Variants in GATAD1 observed in about 807,000 individuals in gnomAD.
The protein encoded by GATAD1 is GATA zinc finger domain containing 1, also known as GATA zinc finger domain-containing protein 1.
In GATAD1, 12 loss-of-function variants were observed where a neutral mutation model predicts 26.5. The observed-to-expected ratio is 0.45, with a 90% CI of 0.29 to 0.73. The LOEUF (loss-of-function observed/expected upper bound fraction) is 0.73. Among genes scored for constraint, GATAD1 ranks in the 30% least tolerant of loss-of-function variants. The probability of loss-of-function intolerance (pLI) is 0.10; values close to 1 mark genes in which losing one functional copy is unlikely to be tolerated. For missense variants in GATAD1, 266 were observed against 342.1 expected (o/e 0.78, Z 1.75); for synonymous variants, 129 against 133.1 (o/e 0.97, Z 0.21).
At chr7:92,489,705 A>G in the GATAD1 span, 1 of 1,608,172 alleles carries the variant, frequency 6.2e-7, no homozygotes, top group South Asian at 1.1e-5. Context: ...GAGGGGGAAA[A>G]AGCCATACTC....
At chr7:92,492,906 CTTT>C in the GATAD1 span, 2 of 1,426,796 alleles carry the variant, frequency 1.4e-6, no homozygotes, top group Non-Finnish European at 2.0e-6. Flanking sequence ...CATTGTACTT[CTTT>C]TATCACTCAT....
In GATAD1 at chr7:92,447,810, G is replaced by C; in HGVS notation, c.81G>C (p.Glu27Asp). 1 of 1,490,882 alleles carries C rather than the reference G, an allele frequency of 6.7e-7. No homozygotes were observed. The allele number at this position is 1,490,882 out of a possible 1,614,324, so 92.4% of individuals were successfully genotyped here. The change falls in exon 1 of 5, where the codon GAG becomes GAC. Residue 27 changes from glutamate to aspartate, a missense_variant. Transcript: ENST00000287957. ...SSMWKKGAQGEILCHHCTGRG... is the reference protein window; with the variant it reads ...SSMWKKGAQGDILCHHCTGRG... The stretch of plus-strand genomic sequence containing the variant: ...TGTGGAAGAAGGGAGCGCAGGGGGA[G>C]ATCCTCTGCCATCATTGCACTGGCC...
At chr7:92,473,881 C>T in the GATAD1 span, among the ~76,000 whole-genome samples, 11 of 152,114 alleles carry the variant, frequency 7.2e-5, no homozygotes, top group African/African-American at 2.4e-4. Context: ...CCCAGGCACC[C>T]TCAGTCCTGC....
At chr7:92,450,833 TCTAAAGGTCTC>T in intron 3 of GATAD1, 73 bp downstream of exon 3, 1 of 863,410 alleles carries the variant, frequency 1.2e-6, no homozygotes, top group Admixed American at 1.8e-5. Context: ...GTTGGATTAG[TCTAAAGGTCTC>T]TGCTACTCTT....
At chr7:92,454,379 A>G in intron 3 of GATAD1, 123 bp from the exon 4 acceptor site, 1 of 739,450 alleles carries the variant, frequency 1.4e-6, no homozygotes, top group Non-Finnish European at 2.3e-6. Context: ...ACACTGATAC[A>G]TTAGACTATC....
intron 3 of GATAD1, among the ~76,000 whole-genome samples, chr7:92,452,242 ACTGT>A (rs890136046): frequency 3.3e-5 from 5 of 152,152 alleles, no homozygotes; most frequent in Non-Finnish European, 7.3e-5. Flanking sequence ...TGTTATTGTG[ACTGT>A]CTGTACTTTC....
chr7:92,476,197 C>A, the GATAD1 span, among the ~76,000 whole-genome samples: 1 of 152,246 alleles, frequency 6.6e-6, no homozygotes, highest in African/African-American at 2.4e-5. Context: ...CTTTTTCTAA[C>A]AGAATAGCCC....
chr7:92,461,391 AG>A (rs1251022654), downstream of GATAD1: 1 of 152,228 alleles, frequency 6.6e-6, no homozygotes, highest in African/African-American at 2.4e-5. Flanking sequence ...GTGTTCAGCA[AG>A]CTCCAACAAT....
chr7:92,449,504 C>G, intron 2 of GATAD1: 1 of 974,198 alleles, frequency 1.0e-6, no homozygotes, highest in Non-Finnish European at 1.2e-6. Context: ...TGTTCAAACA[C>G]AGTGGACAGT....
Position 92,447,614 on chromosome 7 carries a change from G to A in GATAD1, c.-116G>A, listed in dbSNP as rs1239875254. On this transcript the variant is annotated 5_prime_UTR_variant, in exon 1 of 5. Transcript: ENST00000287957. The stretch of plus-strand genomic sequence containing the variant: ...GTCCTTTCACCGGCAGCTCCGTGCC[G>A]ACGCTCTCACCGCTCTTCCTATCGC... 8.6e-6 allele frequency: 11 copies of A among 1,285,822 alleles called. No homozygotes were observed. Among genetic ancestry groups the A allele is most frequent in the Non-Finnish European group, 1.1e-5 (11 of 1,007,752 alleles). 79.7% of individuals were successfully genotyped at this position (1,285,822 alleles called of 1,614,324 possible).
chr7:92,475,288 T>C, the GATAD1 span: 1 of 152,158 alleles, frequency 6.6e-6, no homozygotes, highest in African/African-American at 2.4e-5. Context: ...GTTTTTGTCT[T>C]GCGGGGAACG....
chr7:92,470,509 G>A, the GATAD1 span: 3 of 594,572 alleles, frequency 5.0e-6, no homozygotes, highest in East Asian at 8.4e-5. Flanking sequence ...CAGTATCCAG[G>A]ATTTGACTCA....
the GATAD1 span, among the ~76,000 whole-genome samples, chr7:92,484,068 A>AT: frequency 4.4e-4 from 67 of 152,114 alleles, no homozygotes; most frequent in Non-Finnish European, 9.1e-4. Context: ...ATCTCAGACC[A>AT]TTTTTCCATT....
the GATAD1 span, chr7:92,471,608 T>C: frequency 2.1e-4 from 32 of 152,332 alleles, no homozygotes; most frequent in African/African-American, 7.2e-4. Flanking sequence ...GGGGTTGTTT[T>C]ATAAGCATTT....
the GATAD1 span, chr7:92,494,172 A>C: frequency 2.5e-6 from 2 of 789,166 alleles, no homozygotes; most frequent in Non-Finnish European, 4.4e-6. Context: ...ACAGTGGCTA[A>C]AGCTTTTCCC....
At chr7:92,485,962 C>T in the GATAD1 span, among the ~76,000 whole-genome samples, 1 of 152,190 alleles carries the variant, frequency 6.6e-6, no homozygotes, top group Admixed American at 6.5e-5. Context: ...TGTGAATGCT[C>T]AGTTAAAAGC....
chr7:92,491,495 C>T, the GATAD1 span: 1 of 1,599,890 alleles, frequency 6.3e-7, no homozygotes, highest in South Asian at 1.1e-5. Context: ...AGAGCTGGAA[C>T]TTCCATCCTA....
the GATAD1 span, among the ~76,000 whole-genome samples, chr7:92,495,314 G>A: frequency 4.9e-4 from 74 of 152,032 alleles, no homozygotes; most frequent in East Asian, 0.013. Context: ...CACCTGTCAC[G>A]GTGATTGAAA....
At chr7:92,479,013 A>C in the GATAD1 span, among the ~76,000 whole-genome samples, 1 of 152,172 alleles carries the variant, frequency 6.6e-6, no homozygotes, top group South Asian at 2.1e-4. Context: ...GCCCTGTGCA[A>C]ATCAGACACC....
Sources: gnomAD v4.1 joint callset for allele counts (sites outside exome capture counted in the v4.1 genomes callset) on GRCh38, gnomAD v4.1.1 for gene constraint, MANE v1.5 for transcripts, NCBI Gene and HGNC (gene_info 2026-07-23, HGNC 2026-07-21) for gene names.